Variants in CPNE5 observed in about 807,000 individuals in gnomAD.
CPNE5 encodes copine-5.
In CPNE5, 42 loss-of-function variants were observed where a neutral mutation model predicts 81.1. The ratio of observed to expected loss-of-function variants is 0.52; its 90% CI spans 0.40 to 0.67. CPNE5 has a LOEUF of 0.67. CPNE5 is among the 30% of genes least tolerant of loss of function. The pLI is 0.00. For synonymous variants in CPNE5, 313 were observed against 321.5 expected (o/e 0.97, Z 0.28); for missense variants, 612 against 815.5 (o/e 0.75, Z 3.04).
chr6:36,770,688 C>G (rs1766967485), intron 10 of CPNE5, among the ~76,000 whole-genome samples: 1 of 152,104 alleles, frequency 6.6e-6, no homozygotes, highest in South Asian at 2.1e-4. Flanking sequence ...TCTGGCCACC[C>G]CCCTCCTGGA....
chr6:36,784,408 G>A (rs1164637096), intron 8 of CPNE5, among the ~76,000 whole-genome samples: 3 of 152,308 alleles, frequency 2.0e-5, no homozygotes, highest in East Asian at 3.9e-4. Context: ...GTAACTAACC[G>A]CCTGGGGGCT....
chr6:36,787,535 A>G (rs1158109644), intron 8 of CPNE5, among the ~76,000 whole-genome samples: 2 of 152,280 alleles, frequency 1.3e-5, no homozygotes, highest in East Asian at 1.9e-4. Flanking sequence ...AGAGTGTGAT[A>G]AAATAGTTGT....
chr6:36,786,594 G>A (rs1339917123), intron 8 of CPNE5, among the ~76,000 whole-genome samples: 1 of 152,134 alleles, frequency 6.6e-6, no homozygotes, highest in East Asian at 1.9e-4. Flanking sequence ...AAAACAGGAC[G>A]ATTTGGATAT....
At chr6:36,778,175 C>T (rs150507459) in intron 9 of CPNE5, among the ~76,000 whole-genome samples, 2,224 of 152,330 alleles carry the variant, frequency 0.015, 43 homozygotes, top group African/African-American at 0.051. Context: ...ACACAACAGG[C>T]TGCTGGGGAA....
At chr6:36,791,792 G>T (rs1030309029) in intron 8 of CPNE5, among the ~76,000 whole-genome samples, 1 of 152,136 alleles carries the variant, frequency 6.6e-6, no homozygotes, top group Non-Finnish European at 1.5e-5. Context: ...TAGGGGACGG[G>T]GCTCAGCTGG....
intron 6 of CPNE5, among the ~76,000 whole-genome samples, chr6:36,795,928 C>T (rs1003438992): frequency 1.3e-5 from 2 of 151,908 alleles, no homozygotes; most frequent in South Asian, 2.1e-4. Flanking sequence ...CCAACATTGC[C>T]GTCAACCTCT....
intron 1 of CPNE5, among the ~76,000 whole-genome samples, chr6:36,838,936 G>A (rs541779123): frequency 6.6e-6 from 1 of 152,094 alleles, no homozygotes; most frequent in Non-Finnish European, 1.5e-5. Flanking sequence ...ATTTGGGGAT[G>A]GGGTGATCAG....
At chr6:36,761,950 T>C (rs893395581) in intron 12 of CPNE5, among the ~76,000 whole-genome samples, 6 of 151,700 alleles carry the variant, frequency 4.0e-5, no homozygotes, top group Non-Finnish European at 8.8e-5. Flanking sequence ...GGGGAGGGAA[T>C]TGCAAAAGGG....
At chr6:36,770,308 A>C (rs1169660862) in intron 10 of CPNE5, among the ~76,000 whole-genome samples, 1 of 152,178 alleles carries the variant, frequency 6.6e-6, no homozygotes, top group African/African-American at 2.4e-5. Flanking sequence ...AAGTTATATA[A>C]TATCTTCTCT....
Position 36,778,915 on chromosome 6 carries a change from T to C in CPNE5, c.571A>G (p.Lys191Glu). The change falls in exon 9 of 21, where the codon AAA becomes GAA. Residue 191 changes from lysine (K) to glutamate (E), a missense_variant. Transcript: ENST00000244751. Reference sequence around the variant, plus strand: ...GGGTCAGATTTCCCAAAGAAATCTTTCTTGTCCAGCTTGTTGGCACAGAAC... The same window carrying C: ...GGGTCAGATTTCCCAAAGAAATCTTCCTTGTCCAGCTTGTTGGCACAGAAC... The part of the protein sequence containing the change: ...MQFCANKLDK[K>E]DFFGKSDPFL... 1 of 1,606,440 alleles carries C rather than the reference T, an allele frequency of 6.2e-7. No homozygotes were observed. Among genetic ancestry groups the C allele is most frequent in the Non-Finnish European group, 8.5e-7 (1 of 1,173,512 alleles).
intron 9 of CPNE5, among the ~76,000 whole-genome samples, chr6:36,777,022 G>T (rs1180236255): frequency 3.9e-5 from 6 of 152,218 alleles, no homozygotes; most frequent in Non-Finnish European, 7.3e-5. Flanking sequence ...CCCTAGAAGG[G>T]ATCAGTGTCT....
At chr6:36,785,764 G>A (rs1768473004) in intron 8 of CPNE5, among the ~76,000 whole-genome samples, 1 of 152,110 alleles carries the variant, frequency 6.6e-6, no homozygotes, top group African/African-American at 2.4e-5. Flanking sequence ...TGTAATCCCA[G>A]CACTTTGGGA....
chr6:36,827,974 C>T (rs1231919059), intron 1 of CPNE5, among the ~76,000 whole-genome samples: 2 of 152,056 alleles, frequency 1.3e-5, no homozygotes, highest in Non-Finnish European at 2.9e-5. Context: ...GAAGCAGAGC[C>T]AAGAGCCCCT....
intron 12 of CPNE5, among the ~76,000 whole-genome samples, chr6:36,760,652 A>G (rs1274257829): frequency 1.3e-5 from 2 of 152,178 alleles, no homozygotes; most frequent in East Asian, 3.9e-4. Context: ...ATGACCCCTA[A>G]GGTGCCCTGA....
rs139335411 is a variant in CPNE5, at chr6:36,836,048, C to A, written c.95+3235G>T. Among the ~76,000 whole-genome samples, 978 of 152,328 alleles carry A rather than the reference C, an allele frequency of 6.4e-3. 8 individuals are homozygous for A. The highest frequency in any genetic ancestry group is 0.023 in the African/African-American group (945 of 41,566). The stretch of plus-strand genomic sequence containing the variant: ...CTTACCCAAGGTCATAGGAAGAGAG[C>A]TGGGATTTGAAACCAAGGAGACAGA... On this transcript the variant is annotated intron_variant, in intron 1 of 20. Transcript: ENST00000244751.
Position 36,745,444 on chromosome 6 carries a change from G to A in CPNE5, c.1272C>T (p.Arg424=). ...TGGTGGGGCCGTACAGCTGCACAGTGCGCAGGCTGCGGTGGTAGGCCTCCA... is the reference window on the plus strand; with the variant it reads ...TGGTGGGGCCGTACAGCTGCACAGTACGCAGGCTGCGGTGGTAGGCCTCCA... ...GILEAYHRSL[R]TVQLYGPTNF... Residue 424 remains arginine (R), a synonymous_variant, in exon 17 of 21, where the codon CGC becomes CGT. Transcript: ENST00000244751. The A allele has an allele frequency of 6.2e-7, 1 of 1,605,100 alleles. No homozygotes were observed. Among genetic ancestry groups the A allele is most frequent in the South Asian group, 1.1e-5 (1 of 89,066 alleles).
intron 8 of CPNE5, among the ~76,000 whole-genome samples, chr6:36,784,800 A>C (rs1392739563): frequency 6.6e-6 from 1 of 151,832 alleles, no homozygotes; most frequent in African/African-American, 2.4e-5. Context: ...AAAAATAGCC[A>C]TGTGTGGTGG....
chr6:36,795,326 G>T (rs557469536), intron 6 of CPNE5, among the ~76,000 whole-genome samples: 143 of 152,150 alleles, frequency 9.4e-4, no homozygotes, highest in African/African-American at 2.5e-3. Context: ...CTACAGGCAC[G>T]CACCACCATG....
At chr6:36,825,029 C>G in intron 1 of CPNE5, among the ~76,000 whole-genome samples, 1 of 152,138 alleles carries the variant, frequency 6.6e-6, no homozygotes, top group Non-Finnish European at 1.5e-5. Flanking sequence ...ATGATGGGGA[C>G]ATGAAAGACC....
Sources: allele counts gnomAD v4.1 joint callset (sites outside exome capture counted in the v4.1 genomes callset), GRCh38; gene constraint gnomAD v4.1.1; transcripts MANE v1.5; gene names NCBI Gene and HGNC (gene_info 2026-07-23, HGNC 2026-07-21).